Variants in TMEM38A observed in about 807,000 individuals in gnomAD.
TMEM38A encodes the protein transmembrane protein 38A.
In TMEM38A, 17 loss-of-function variants were observed where a neutral mutation model predicts 28.6. The ratio of observed to expected loss-of-function variants is 0.60; its 90% CI spans 0.41 to 0.89. TMEM38A has a LOEUF of 0.89. Among genes scored for constraint, TMEM38A ranks in the 40% least tolerant of loss-of-function variants. The pLI, the probability that TMEM38A is intolerant of heterozygous loss-of-function variation, is 0.00. For missense variants in TMEM38A, 328 were observed against 393.1 expected (o/e 0.83, Z 1.40); for synonymous variants, 169 against 166.1 (o/e 1.02, Z -0.14).
In TMEM38A at chr19:16,685,207, C is replaced by T. The variant is rs531724724; in HGVS notation, c.555-1081C>T. On this transcript the variant is annotated intron_variant, in intron 4 of 5. Coordinates refer to ENST00000187762, the MANE Select transcript of TMEM38A (RefSeq NM_024074.4). ...TTCAAAACCAGCCCGGCCGACATGG[C>T]GAAACCCCATCTCTAGTAAAAATAC... is the stretch of plus-strand genomic sequence containing the variant. Among the ~76,000 whole-genome samples the T allele has an allele frequency of 2.6e-5, 4 of 151,882 alleles. No individual in the cohort carries two copies. In the South Asian group the frequency reaches 6.2e-4, roughly 24 times the overall value.
At chr19:16,672,022 C>A (rs996720761) in intron 1 of TMEM38A, among the ~76,000 whole-genome samples, 1 of 152,128 alleles carries the variant, frequency 6.6e-6, no homozygotes, top group Non-Finnish European at 1.5e-5. Context: ...TTTAAATAGA[C>A]CCTAGGAGAG....
chr19:16,664,674 G>A (rs550044445), intron 1 of TMEM38A, among the ~76,000 whole-genome samples: 14 of 152,136 alleles, frequency 9.2e-5, no homozygotes, highest in Admixed American at 2.0e-4. Context: ...AGGATCACTT[G>A]AGCCCAGGAG....
At chr19:16,673,057 C>CT (rs1028119584) in intron 1 of TMEM38A, among the ~76,000 whole-genome samples, 2 of 150,412 alleles carry the variant, frequency 1.3e-5, no homozygotes, top group African/African-American at 5.0e-5. Context: ...GTCTAGTTCA[C>CT]TTTTCTTTTT....
intron 1 of TMEM38A, among the ~76,000 whole-genome samples, chr19:16,673,611 A>G (rs2086736843): frequency 6.6e-6 from 1 of 152,208 alleles, no homozygotes; most frequent in East Asian, 1.9e-4. Flanking sequence ...AGTTGCCTCT[A>G]ACATGGTAAT....
intron 1 of TMEM38A, among the ~76,000 whole-genome samples, chr19:16,664,449 G>A (rs2086695060): frequency 6.6e-6 from 1 of 151,986 alleles, no homozygotes; most frequent in South Asian, 2.1e-4. Flanking sequence ...GAAAAGAAAA[G>A]TGAGGTGTCG....
chr19:16,673,070 TTTTGTTTGTTTG>T (rs762139122), intron 1 of TMEM38A, among the ~76,000 whole-genome samples: 2 of 151,880 alleles, frequency 1.3e-5, no homozygotes, highest in African/African-American at 4.8e-5. Context: ...TTCTTTTTCT[TTTTGTTTGTTTG>T]TTTGTTTGTT....
chr19:16,674,655 C>T (rs1453901612), intron 1 of TMEM38A, among the ~76,000 whole-genome samples: 2 of 151,308 alleles, frequency 1.3e-5, no homozygotes, highest in African/African-American at 2.4e-5. Context: ...CAAAATTAGC[C>T]GGGCGTGGTG....
chr19:16,676,755 C>CT (rs960732087), intron 1 of TMEM38A, among the ~76,000 whole-genome samples: 5,669 of 119,266 alleles, frequency 0.048, 374 homozygotes, highest in African/African-American at 0.12. Flanking sequence ...TTTTCATGAC[C>CT]TTTTTTTTTT....
intron 3 of TMEM38A, among the ~76,000 whole-genome samples, chr19:16,681,916 A>G (rs907399551): frequency 2.0e-5 from 3 of 152,196 alleles, no homozygotes; most frequent in Non-Finnish European, 2.9e-5. Flanking sequence ...GTAAATGGGA[A>G]GATTCTTCCA....
Position 16,661,354 on chromosome 19 carries a change from G to A in TMEM38A, c.124+13G>A, listed in dbSNP as rs754429965. 40 of 1,582,306 alleles carry A rather than the reference G, an allele frequency of 2.5e-5. No homozygotes were observed. The highest frequency in any genetic ancestry group is 2.9e-5 in the Non-Finnish European group (34 of 1,163,930). On this transcript the variant is annotated intron_variant, in intron 1 of 5. Transcript: ENST00000187762. This position sits in a 1 kb window ranked among gnomAD's most constrained non-coding sequence, Gnocchi z 6.5. ...AAGTATGAGCCAGGTGAGCCGGGGC[G>A]GGGGGCTGGAGGGGACCGGCAGCGG...
At position 16,680,395 on chromosome 19, in the gene TMEM38A, AG is replaced by A; in HGVS notation, c.282del. Reference sequence around the variant, plus strand: ...TGGCACTCACTGTTCTCTCCCCAAAAGGTACTTGATTTTCTTCTGCCCCCTG... The same window carrying A: ...TGGCACTCACTGTTCTCTCCCCAAAAGTACTTGATTTTCTTCTGCCCCCTG... On this transcript the variant is annotated splice_acceptor_variant, in intron 2 of 5. Coordinates refer to ENST00000187762, the MANE Select transcript of TMEM38A (RefSeq NM_024074.4). LOFTEE classifies it high-confidence loss of function. 6.2e-7 allele frequency: 1 copy of A among 1,613,926 alleles called. No individual in the cohort carries two copies.
At chr19:16,683,953 A>G (rs1002258028) in intron 4 of TMEM38A, among the ~76,000 whole-genome samples, 11 of 140,566 alleles carry the variant, frequency 7.8e-5, no homozygotes, top group African/African-American at 2.9e-4. Flanking sequence ...CTGGGCAGCA[A>G]GAGCGAAATT....
In TMEM38A at chr19:16,684,045, G is replaced by A. The variant is rs540143135; in HGVS notation, c.554+1537G>A. Among the ~76,000 whole-genome samples, 22 of 151,882 alleles carry A rather than the reference G, an allele frequency of 1.4e-4. 1 individual carries two copies. The South Asian group carries it at 2.9e-3, about 20-fold the overall frequency. On this transcript the variant is annotated intron_variant, in intron 4 of 5. Transcript: ENST00000187762. The stretch of plus-strand genomic sequence containing the variant: ...CATGGGAGGCTGAGGCAGGAGAACC[G>A]GTTGAACCCGGGAGGCAGAGGTTGC...
At chr19:16,662,093 T>G (rs1599383402) in intron 1 of TMEM38A, among the ~76,000 whole-genome samples, 1 of 152,324 alleles carries the variant, frequency 6.6e-6, no homozygotes, top group South Asian at 2.1e-4. Context: ...TGTTCTATTT[T>G]TATAAAAGGT....
In TMEM38A at chr19:16,661,509, G is replaced by T. The variant is rs1441423552; in HGVS notation, c.124+168G>T. On this transcript the variant is annotated intron_variant, in intron 1 of 5. Transcript: ENST00000187762. The surrounding 1 kb of genome is among the most constrained non-coding windows in gnomAD (Gnocchi z 6.5). ...CGCTAGAATCGTGGGGTTCTCTCAC[G>T]CCGGGGTGAGCCCGGGGGAGAAGCC... 6.6e-6 allele frequency among the ~76,000 whole-genome samples: 1 copy of T among 151,942 alleles called. No homozygotes were observed. The highest frequency in any genetic ancestry group is 1.5e-5 in the Non-Finnish European group (1 of 67,966).
chr19:16,672,776 C>T (rs1599387376), intron 1 of TMEM38A, among the ~76,000 whole-genome samples: 2 of 152,164 alleles, frequency 1.3e-5, no homozygotes, highest in African/African-American at 4.8e-5. Flanking sequence ...GCAGCCCAAC[C>T]TTTTCACTCA....
intron 1 of TMEM38A, among the ~76,000 whole-genome samples, chr19:16,673,242 T>A (rs369391670): frequency 2.5e-4 from 38 of 152,184 alleles, no homozygotes; most frequent in African/African-American, 9.1e-4. Context: ...CCACCATGCC[T>A]GGCTAATTTT....
chr19:16,674,755 C>G (rs1032809045), intron 1 of TMEM38A, among the ~76,000 whole-genome samples: 1 of 151,946 alleles, frequency 6.6e-6, no homozygotes, highest in East Asian at 1.9e-4. Context: ...GCCAAGATCG[C>G]GCCATTGAAC....
chr19:16,668,321 G>A (rs1171215407), intron 1 of TMEM38A, among the ~76,000 whole-genome samples: 1 of 152,006 alleles, frequency 6.6e-6, no homozygotes, highest in Non-Finnish European at 1.5e-5. Context: ...AAGGCAGGCA[G>A]ATCACTTGAA....
Sources: allele counts gnomAD v4.1 joint callset (sites outside exome capture counted in the v4.1 genomes callset), GRCh38; gene constraint gnomAD v4.1.1; non-coding constraint Gnocchi (gnomAD v3.1); transcripts MANE v1.5; gene names NCBI Gene and HGNC (gene_info 2026-07-23, HGNC 2026-07-21).